Variants in MLYCD observed in about 807,000 individuals in gnomAD.
MLYCD encodes the protein malonyl-CoA decarboxylase, also known as malonyl-CoA decarboxylase, mitochondrial.
In MLYCD, 27 loss-of-function variants were observed where a neutral mutation model predicts 35.8. That is an observed-to-expected ratio of 0.75 (90% CI 0.56 to 1.04). The LOEUF (loss-of-function observed/expected upper bound fraction) is 1.04, where lower values mean the gene tolerates loss of function less well. Ranked by LOEUF, MLYCD falls within the 50% of genes least tolerant of loss-of-function variation. The pLI is 0.00. For synonymous variants in MLYCD, 403 were observed against 302.4 expected, an observed-to-expected ratio of 1.33 and a Z score of -3.45; for missense variants, 917 against 665.1, an observed-to-expected ratio of 1.38 and a Z score of -4.17.
chr16:83,913,633 C>T (rs185283913), intron 4 of MLYCD: 4 of 152,254 alleles, frequency 2.6e-5, no homozygotes, highest in Non-Finnish European at 5.9e-5. Context: ...GCCTGGCGAA[C>T]GTGGTGAAAC....
intron 4 of MLYCD, chr16:83,912,792 C>A (rs1031557430): frequency 5.2e-5 from 16 of 305,568 alleles, no homozygotes; most frequent in African/African-American, 3.2e-4. Flanking sequence ...CTCTCAGGGC[C>A]TCTGACACCT....
At position 83,923,115 on chromosome 16, in the gene MLYCD, A is replaced by AG. The variant is rs1261200700; in HGVS notation, c.*7629dup. 2.0e-5 allele frequency: 3 copies of AG among 152,296 alleles called. No individual in the cohort carries two copies. The East Asian group carries it at 5.8e-4, about 30-fold the overall frequency. 9.4% of individuals were successfully genotyped at this position (152,296 alleles called of 1,614,324 possible). A position where few individuals can be genotyped will look rare whatever the true frequency, so the allele number is the denominator to read the frequency against. Reference sequence around the variant, plus strand: ...CCCTCTCCATCCCTCCTTCCCTCTGAGGGCTTGACCTTCACTGACCTCCAG... The same window carrying AG: ...CCCTCTCCATCCCTCCTTCCCTCTGAGGGGCTTGACCTTCACTGACCTCCAG... On this transcript the variant is annotated 3_prime_UTR_variant, in exon 5 of 5. Transcript: ENST00000262430.
chr16:83,907,106 A>G lies in MLYCD; in HGVS notation c.641+7A>G, dbSNP rs765640578. 4 of 1,602,552 alleles carry G rather than the reference A, an allele frequency of 2.5e-6. No individual in the cohort carries two copies. Among genetic ancestry groups the G allele is most frequent in the Non-Finnish European group, 8.6e-7 (1 of 1,169,412 alleles). On this transcript the variant is annotated splice_region_variant and intron_variant, in intron 2 of 4. Coordinates refer to ENST00000262430, the MANE Select transcript of MLYCD (RefSeq NM_012213.3). ...TGCTTCAGAAAATCAGTGAGTAAGTATTACGGTTTTCATTTTCTTTGTACA... is the reference window on the plus strand; with the variant it reads ...TGCTTCAGAAAATCAGTGAGTAAGTGTTACGGTTTTCATTTTCTTTGTACA...
In MLYCD at chr16:83,917,323, G is replaced by C. The variant is rs1268163240; in HGVS notation, c.*1834G>C. On this transcript the variant is annotated 3_prime_UTR_variant, in exon 5 of 5. Transcript: ENST00000262430. ...CAAGCATCTGTGTGTGTCAGTGCAC[G>C]TCTGTGTGCGTGTGCACGAGCGTCT... 1 of 154,342 alleles carries C rather than the reference G, an allele frequency of 6.5e-6. No individual in the cohort carries two copies. The highest frequency in any genetic ancestry group is 2.4e-5 in the African/African-American group (1 of 41,450). The allele number at this position is 154,342 out of a possible 1,614,324, so 9.6% of individuals were successfully genotyped here. A position where few individuals can be genotyped will look rare whatever the true frequency, so the allele number is the denominator to read the frequency against.
chr16:83,902,798 G>C (rs889373746), intron 1 of MLYCD, among the ~76,000 whole-genome samples: 4 of 152,116 alleles, frequency 2.6e-5, no homozygotes, highest in East Asian at 1.9e-4. Flanking sequence ...GAACCACTGT[G>C]CCTGGCTGTG....
intron 3 of MLYCD, among the ~76,000 whole-genome samples, chr16:83,910,765 C>A (rs1309493886): frequency 2.6e-5 from 4 of 152,010 alleles, no homozygotes; most frequent in Admixed American, 6.6e-5. Flanking sequence ...AACGACAGAG[C>A]TCTTCCATAG....
chr16:83,913,795 GAC>G (rs1343723706), intron 4 of MLYCD: 1 of 120,226 alleles, frequency 8.3e-6, no homozygotes, highest in Non-Finnish European at 1.6e-5. Flanking sequence ...GCCTGGGAGA[GAC>G]AGTCTCAAAA....
chr16:83,912,357 A>C lies in MLYCD; in HGVS notation c.938A>C (p.Lys313Thr), dbSNP rs780229010. 1.2e-5 allele frequency: 20 copies of C among 1,614,172 alleles called. No homozygotes were observed. In the Middle Eastern group the frequency reaches 4.9e-4, roughly 40 times the overall value. Residue 313 changes from lysine (K) to threonine (T), a missense_variant, in exon 4 of 5, where the codon AAG becomes ACG. Transcript: ENST00000262430. Reference sequence around the variant, plus strand: ...ACATTCCTCATAAAGCGAGTCGTCAAGGAGTTGCAGGTAAGCGACACGCAG... The same window carrying C: ...ACATTCCTCATAAAGCGAGTCGTCACGGAGTTGCAGGTAAGCGACACGCAG... ...LGTFLIKRVV[K>T]ELQREFPHLG...
intron 3 of MLYCD, among the ~76,000 whole-genome samples, chr16:83,911,379 G>T (rs375416494): frequency 2.0e-5 from 3 of 152,216 alleles, no homozygotes; most frequent in Non-Finnish European, 4.4e-5. Flanking sequence ...ATCGAAGGTC[G>T]CTGGTAGAAG....
intron 1 of MLYCD, among the ~76,000 whole-genome samples, chr16:83,905,988 CAATAT>C (rs1906960531): frequency 6.6e-6 from 1 of 152,110 alleles, no homozygotes; most frequent in Admixed American, 6.5e-5. Flanking sequence ...GAAGTAGATA[CAATAT>C]AAATAAGTGA....
rs561986109 is a variant in MLYCD, at chr16:83,925,021, G to A, written c.*9532G>A. 3 of 152,378 alleles carry A rather than the reference G, an allele frequency of 2.0e-5. No individual in the cohort carries two copies. Among genetic ancestry groups the A allele is most frequent in the African/African-American group, 4.8e-5 (2 of 41,572 alleles). 9.4% of individuals were successfully genotyped at this position (152,378 alleles called of 1,614,324 possible). A position where few individuals can be genotyped will look rare whatever the true frequency, so the allele number is the denominator to read the frequency against. On this transcript the variant is annotated 3_prime_UTR_variant, in exon 5 of 5. Coordinates refer to ENST00000262430, the MANE Select transcript of MLYCD (RefSeq NM_012213.3). ...GTGTCTCTGCTGTCTCCTAACTACC[G>A]ATAGCAAGGGCACTAGTGCCCCTGT... is the stretch of plus-strand genomic sequence containing the variant.
In MLYCD at chr16:83,921,794, C is replaced by T. The variant is rs925755166; in HGVS notation, c.*6305C>T. ...CCATTCTTACACATGTCATCTTTCC[C>T]ACAGTGGCAGTGCAGAGGAGACAAA... On this transcript the variant is annotated 3_prime_UTR_variant, in exon 5 of 5. Transcript: ENST00000262430. 7.1e-6 allele frequency: 1 copy of T among 140,168 alleles called. No individual in the cohort carries two copies. The highest frequency in any genetic ancestry group is 2.5e-5 in the African/African-American group (1 of 40,324). The allele number at this position is 140,168 out of a possible 1,614,324, so 8.7% of individuals were successfully genotyped here.
At chr16:83,911,220 T>C (rs57901888) in intron 3 of MLYCD, among the ~76,000 whole-genome samples, 10,906 of 152,168 alleles carry the variant, frequency 0.072, 470 homozygotes, top group East Asian at 0.11. Flanking sequence ...CCTCGTGATC[T>C]GCCCGCCTCG....
intron 1 of MLYCD, among the ~76,000 whole-genome samples, chr16:83,899,982 A>C (rs1038652872): frequency 1.3e-5 from 2 of 152,206 alleles, no homozygotes; most frequent in African/African-American, 4.8e-5. Flanking sequence ...TGTGTGCTCT[A>C]CAGTCTTTTG....
intron 1 of MLYCD, among the ~76,000 whole-genome samples, chr16:83,903,462 A>G (rs1906869060): frequency 6.6e-6 from 1 of 152,186 alleles, no homozygotes; most frequent in Admixed American, 6.5e-5. Context: ...CTGCAGTGCT[A>G]CCCTCATCCA....
rs1343797480 is a variant in MLYCD, at chr16:83,918,995, T to C, written c.*3506T>C. ...CACAGTGCACAGGAGAACCACACAA[T>C]GTACAGGAGAATACGCACACACAGT... On this transcript the variant is annotated 3_prime_UTR_variant, in exon 5 of 5. Coordinates refer to ENST00000262430, the MANE Select transcript of MLYCD (RefSeq NM_012213.3). The C allele has an allele frequency of 7.7e-6, 1 of 129,654 alleles. No homozygotes were observed. The highest frequency in any genetic ancestry group is 1.6e-5 in the Non-Finnish European group (1 of 62,638). The allele number at this position is 129,654 out of a possible 1,614,324, so 8.0% of individuals were successfully genotyped here. A position where few individuals can be genotyped will look rare whatever the true frequency, so the allele number is the denominator to read the frequency against.
At chr16:83,903,029 T>C (rs897978531) in intron 1 of MLYCD, among the ~76,000 whole-genome samples, 5 of 152,168 alleles carry the variant, frequency 3.3e-5, no homozygotes, top group African/African-American at 4.8e-5. Context: ...GACTTCAGTT[T>C]CTTAGAGGTG....
At chr16:83,911,067 C>T (rs1038657887) in intron 3 of MLYCD, among the ~76,000 whole-genome samples, 1 of 152,154 alleles carries the variant, frequency 6.6e-6, no homozygotes, top group African/African-American at 2.4e-5. Flanking sequence ...ACCTCCGCCT[C>T]CCGGGTTCAC....
At position 83,918,571 on chromosome 16, in the gene MLYCD, A is replaced by G. The variant is rs1291038877; in HGVS notation, c.*3082A>G. The G allele has an allele frequency of 1.0e-5, 1 of 95,360 alleles. No individual in the cohort carries two copies. The highest frequency in any genetic ancestry group is 2.1e-5 in the Non-Finnish European group (1 of 47,806). 5.9% of individuals were successfully genotyped at this position (95,360 alleles called of 1,614,324 possible). On this transcript the variant is annotated 3_prime_UTR_variant, in exon 5 of 5. Transcript: ENST00000262430. Reference sequence around the variant, plus strand: ...AGGAGAACACGCACACACGGTGCACAGAACACACACAGTGCACAGGAGAAC... The same window carrying G: ...AGGAGAACACGCACACACGGTGCACGGAACACACACAGTGCACAGGAGAAC...
Sources: allele counts gnomAD v4.1 joint callset (sites outside exome capture counted in the v4.1 genomes callset), GRCh38; gene constraint gnomAD v4.1.1; transcripts MANE v1.5; gene names NCBI Gene and HGNC (gene_info 2026-07-23, HGNC 2026-07-21).